Variants in SNAP91 observed in about 807,000 individuals in gnomAD.
The protein encoded by SNAP91 is synaptosome associated protein 91, also known as clathrin coat assembly protein AP180.
In SNAP91, 27 loss-of-function variants were observed where a neutral mutation model predicts 100.3. That is an observed-to-expected ratio of 0.27 (90% confidence interval 0.20 to 0.37). The LOEUF is 0.37. Among genes scored for constraint, SNAP91 ranks in the 10% least tolerant of loss-of-function variants. The pLI is 1.00. For synonymous variants in SNAP91, 404 were observed against 398.6 expected (o/e 1.01, Z -0.16); for missense variants, 986 against 1,123.7 (o/e 0.88, Z 1.75).
chr6:83,704,158 T>C (rs530689807), intron 2 of SNAP91, among the ~76,000 whole-genome samples: 1 of 152,126 alleles, frequency 6.6e-6, no homozygotes, highest in Non-Finnish European at 1.5e-5. Flanking sequence ...TGTCAAACAG[T>C]TGTAACTAAA....
intron 7 of SNAP91, among the ~76,000 whole-genome samples, chr6:83,650,468 G>T (rs901503787): frequency 1.3e-5 from 2 of 152,092 alleles, no homozygotes; most frequent in African/African-American, 4.8e-5. Flanking sequence ...GCCCAGGCTG[G>T]AGTGCAGTGG....
rs537744505 is a variant in SNAP91, at chr6:83,575,943, C to T, written c.2330+80G>A. 1.0e-4 allele frequency: 75 copies of T among 722,082 alleles called. No individual in the cohort carries two copies. The African/African-American group carries it at 1.1e-3, about 10-fold the overall frequency. 44.7% of individuals were successfully genotyped at this position (722,082 alleles called of 1,614,324 possible). ...CTAGCATGAGAATGAATAATTACTC[C>T]AATGAGTAAAATGGTTGATAGTCTC... On this transcript the variant is annotated intron_variant, in intron 25 of 29. Coordinates refer to ENST00000369694, the MANE Select transcript of SNAP91 (RefSeq NM_001242792.2).
intron 26 of SNAP91, among the ~76,000 whole-genome samples, chr6:83,564,524 G>A (rs1383834985): frequency 4.0e-5 from 6 of 151,630 alleles, no homozygotes; most frequent in East Asian, 1.9e-4. Context: ...CACTGCACCC[G>A]GCTAATTTTA....
chr6:83,573,710 C>A (rs1812788910), intron 26 of SNAP91, among the ~76,000 whole-genome samples: 1 of 152,156 alleles, frequency 6.6e-6, no homozygotes, highest in Admixed American at 6.5e-5. Context: ...GAAAGGAATC[C>A]TTATTTAATA....
intron 2 of SNAP91, chr6:83,686,188 T>C: frequency 2.0e-6 from 2 of 985,430 alleles, no homozygotes; most frequent in Non-Finnish European, 2.4e-6. Flanking sequence ...TTTTTGTTTT[T>C]TCTTGTCTTT....
intron 2 of SNAP91, chr6:83,690,549 C>A: frequency 7.4e-6 from 3 of 404,870 alleles, no homozygotes; most frequent in Non-Finnish European, 1.3e-5. Context: ...TCCATTTTGA[C>A]TAACGTACCT....
chr6:83,566,241 G>A (rs1796427695), intron 26 of SNAP91, among the ~76,000 whole-genome samples: 1 of 152,128 alleles, frequency 6.6e-6, no homozygotes, highest in African/African-American at 2.4e-5. Flanking sequence ...TTTTAGGGGT[G>A]ATGGAAATAT....
Position 83,617,108 on chromosome 6 carries a change from T to C in SNAP91, c.808-69A>G, listed in dbSNP as rs1346760200. On this transcript the variant is annotated intron_variant, in intron 9 of 29. Coordinates refer to ENST00000369694, the MANE Select transcript of SNAP91 (RefSeq NM_001242792.2). ...CAATGTAAACACACTGTAATGTCACTGTAACTGTATGGTGGAAGTCTGTGG... is the reference window on the plus strand; with the variant it reads ...CAATGTAAACACACTGTAATGTCACCGTAACTGTATGGTGGAAGTCTGTGG... 3.9e-6 allele frequency: 4 copies of C among 1,014,774 alleles called. No homozygotes were observed. In the East Asian group the frequency reaches 8.2e-5, roughly 21 times the overall value. 62.9% of individuals were successfully genotyped at this position (1,014,774 alleles called of 1,614,324 possible). A position where few individuals can be genotyped will look rare whatever the true frequency, so the allele number is the denominator to read the frequency against.
intron 2 of SNAP91, among the ~76,000 whole-genome samples, chr6:83,670,599 G>T (rs1179261925): frequency 6.6e-6 from 1 of 151,758 alleles, no homozygotes; most frequent in Non-Finnish European, 1.5e-5. Flanking sequence ...AGGTCACAAA[G>T]ATTTTCTACG....
At chr6:83,594,662 TGTTA>T (rs1362942300) in intron 16 of SNAP91, 181 bp from the exon 17 acceptor site, 2 of 511,834 alleles carry the variant, frequency 3.9e-6, no homozygotes, top group Non-Finnish European at 6.8e-6. Flanking sequence ...CACACCTTCA[TGTTA>T]GTTAACATGC....
intron 8 of SNAP91, among the ~76,000 whole-genome samples, chr6:83,634,192 T>G (rs1161942010): frequency 6.6e-6 from 1 of 152,178 alleles, no homozygotes; most frequent in Non-Finnish European, 1.5e-5. Context: ...GCCACCGTCC[T>G]GAAGGACCCC....
In SNAP91 at chr6:83,580,564, T is replaced by C; in HGVS notation, c.2185A>G (p.Met729Val). 4 of 1,613,086 alleles carry C rather than the reference T, an allele frequency of 2.5e-6. No individual in the cohort carries two copies. The highest frequency in any genetic ancestry group is 3.4e-6 in the Non-Finnish European group (4 of 1,179,578). Residue 729 changes from methionine (M) to valine (V), a missense_variant, in exon 24 of 30, where the codon ATG becomes GTG. Physicochemically the swap from Met to Val is conservative, Grantham distance 21. Coordinates refer to ENST00000369694, the MANE Select transcript of SNAP91 (RefSeq NM_001242792.2). The stretch of plus-strand genomic sequence containing the variant: ...GGTGCAGGCTGCCCAGCTGGTGCCA[T>C]GGTTGGCATCAAAAGATCACCTAGA... The part of the protein sequence containing the change: ...DGLGDLLMPT[M>V]APAGQPAPVS...
chr6:83,629,378 G>GT (rs1381240672), intron 8 of SNAP91, among the ~76,000 whole-genome samples: 1 of 151,856 alleles, frequency 6.6e-6, no homozygotes, highest in African/African-American at 2.4e-5. Flanking sequence ...TTTTAGAATT[G>GT]TTTTTTTCTA....
rs374734003 is a variant in SNAP91 at position 83,623,274 on chromosome 6, G to C, written c.807+27C>G. 1.9e-6 allele frequency: 3 copies of C among 1,572,242 alleles called. No individual in the cohort carries two copies. In the African/African-American group the frequency reaches 4.0e-5, roughly 21 times the overall value. ...ATGTTGTAATAATCTCATGCATACTGAATCTTCCACTGGGAGAGTTGCTTA... is the reference window on the plus strand; with the variant it reads ...ATGTTGTAATAATCTCATGCATACTCAATCTTCCACTGGGAGAGTTGCTTA... On this transcript the variant is annotated intron_variant, in intron 9 of 29. Coordinates refer to ENST00000369694, the MANE Select transcript of SNAP91 (RefSeq NM_001242792.2).
intron 9 of SNAP91, among the ~76,000 whole-genome samples, chr6:83,618,182 A>C (rs539011752): frequency 6.6e-6 from 1 of 151,954 alleles, no homozygotes; most frequent in Non-Finnish European, 1.5e-5. Context: ...AACTGTCTTA[A>C]CATTCATGTG....
rs189809615 is a variant in SNAP91, at chr6:83,601,187, T to C, written c.1324+84A>G. 3.4e-3 allele frequency: 4,527 copies of C among 1,323,646 alleles called. 17 individuals are homozygous for C. Among genetic ancestry groups the C allele is most frequent in the Non-Finnish European group, 4.2e-3 (3,974 of 943,824 alleles). The allele number at this position is 1,323,646 out of a possible 1,614,324, so 82.0% of individuals were successfully genotyped here. A position where few individuals can be genotyped will look rare whatever the true frequency, so the allele number is the denominator to read the frequency against. On this transcript the variant is annotated intron_variant, in intron 16 of 29. Coordinates refer to ENST00000369694, the MANE Select transcript of SNAP91 (RefSeq NM_001242792.2). The stretch of plus-strand genomic sequence containing the variant: ...TTAAACACTCTGACATGCTGTTACA[T>C]AACGGAAAAAATTTTAAAGACCTTA...
intron 9 of SNAP91, among the ~76,000 whole-genome samples, chr6:83,617,652 A>C (rs1257197603): frequency 1.4e-5 from 2 of 143,148 alleles, no homozygotes; most frequent in Non-Finnish European, 3.1e-5. Flanking sequence ...ATAATATCAG[A>C]GCACTGTGTA....
chr6:83,582,781 A>G (rs116922412), intron 22 of SNAP91, among the ~76,000 whole-genome samples: 2,099 of 152,296 alleles, frequency 0.014, 19 homozygotes, highest in Admixed American at 0.021. Flanking sequence ...AAATCATAAA[A>G]ATACATATCA....
chr6:83,682,694 T>A (rs1311152215), intron 2 of SNAP91, among the ~76,000 whole-genome samples: 2 of 151,848 alleles, frequency 1.3e-5, no homozygotes, highest in Non-Finnish European at 2.9e-5. Context: ...TAACTCGTCA[T>A]TTAGCATTAG....
Sources: gnomAD v4.1 joint callset for allele counts (sites outside exome capture counted in the v4.1 genomes callset) on GRCh38, gnomAD v4.1.1 for gene constraint, MANE v1.5 for transcripts, NCBI Gene and HGNC (gene_info 2026-07-23, HGNC 2026-07-21) for gene names.